Variants in ERC2 observed in about 807,000 individuals in gnomAD.
ERC2 encodes the protein ERC protein 2.
Under a neutral mutation model 114.8 loss-of-function variants are expected in ERC2, and 42 were observed. That is an observed-to-expected ratio of 0.37 (90% CI 0.29 to 0.47). The LOEUF (loss-of-function observed/expected upper bound fraction) is 0.47, where lower values mean the gene tolerates loss of function less well. ERC2 is among the 20% of genes least tolerant of loss of function. The pLI is 0.99. For synonymous variants in ERC2, 454 were observed against 425.5 expected (o/e 1.07, Z -0.82); for missense variants, 939 against 1,150.7 (o/e 0.82, Z 2.66).
At chr3:55,707,626 G>A (rs1057076934) in intron 15 of ERC2, among the ~76,000 whole-genome samples, 1 of 152,200 alleles carries the variant, frequency 6.6e-6, no homozygotes, top group African/African-American at 2.4e-5. Flanking sequence ...GATCCTAACC[G>A]ACATTGTGAG....
chr3:56,223,924 T>C (rs2050088289), intron 3 of ERC2, among the ~76,000 whole-genome samples: 1 of 152,226 alleles, frequency 6.6e-6, no homozygotes. Context: ...TATTCTTACA[T>C]AACTTCAAGT....
At chr3:55,812,641 T>A (rs1347668741) in intron 14 of ERC2, among the ~76,000 whole-genome samples, 1 of 152,122 alleles carries the variant, frequency 6.6e-6, no homozygotes, top group Admixed American at 6.5e-5. Flanking sequence ...AGGATCTACT[T>A]AAAAGCGGGG....
chr3:56,061,741 T>A (rs2076254427), intron 7 of ERC2, among the ~76,000 whole-genome samples: 1 of 152,210 alleles, frequency 6.6e-6, no homozygotes, highest in Non-Finnish European at 1.5e-5. Flanking sequence ...ATATATTTCC[T>A]TATGACAATT....
chr3:56,396,772 C>T (rs927444934), intron 2 of ERC2, among the ~76,000 whole-genome samples: 10 of 151,926 alleles, frequency 6.6e-5, no homozygotes, highest in East Asian at 1.9e-4. Context: ...CAAAGGAGAA[C>T]GGTCCCTTCC....
intron 14 of ERC2, among the ~76,000 whole-genome samples, chr3:55,795,678 G>T (rs75930045): frequency 6.6e-6 from 1 of 152,260 alleles, no homozygotes; most frequent in East Asian, 1.9e-4. Flanking sequence ...ACCATAGAGG[G>T]ACTGGATATC....
intron 17 of ERC2, among the ~76,000 whole-genome samples, chr3:55,663,247 C>T (rs561435992): frequency 1.3e-5 from 2 of 152,314 alleles, no homozygotes; most frequent in East Asian, 3.9e-4. Flanking sequence ...ACCTTAAAAA[C>T]TAAATCCTAA....
intron 13 of ERC2, among the ~76,000 whole-genome samples, chr3:55,927,611 A>G (rs1177871784): frequency 6.6e-6 from 1 of 152,068 alleles, no homozygotes; most frequent in Non-Finnish European, 1.5e-5. Flanking sequence ...ATTCTATTCT[A>G]TTCTTTTAGT....
intron 16 of ERC2, among the ~76,000 whole-genome samples, chr3:55,691,573 A>AAATAT (rs1553631525): frequency 1.5e-4 from 6 of 39,748 alleles, no homozygotes; most frequent in Non-Finnish European, 1.9e-4. Flanking sequence ...AAAAAAAAAA[A>AAATAT]ATATATATAT....
chr3:55,633,083 C>G (rs1349894711), intron 17 of ERC2, among the ~76,000 whole-genome samples: 2 of 152,166 alleles, frequency 1.3e-5, no homozygotes, highest in Non-Finnish European at 2.9e-5. Context: ...AGTAACCTCC[C>G]TCTTTGGTGG....
intron 3 of ERC2, among the ~76,000 whole-genome samples, chr3:56,183,868 C>T (rs913973619): frequency 6.6e-6 from 1 of 151,696 alleles, no homozygotes; most frequent in Non-Finnish European, 1.5e-5. Context: ...AATGTATTAG[C>T]CCATATATAA....
At chr3:56,244,219 T>C (rs894125712) in intron 3 of ERC2, among the ~76,000 whole-genome samples, 1 of 152,194 alleles carries the variant, frequency 6.6e-6, no homozygotes. Context: ...GCATTACTCA[T>C]GTTTGTGGTG....
chr3:56,051,334 T>G (rs1427145183), intron 7 of ERC2, among the ~76,000 whole-genome samples: 1 of 152,162 alleles, frequency 6.6e-6, no homozygotes, highest in East Asian at 1.9e-4. Context: ...GGGGATTACA[T>G]GATAAGCCAG....
intron 14 of ERC2, among the ~76,000 whole-genome samples, chr3:55,871,094 AC>A (rs2062563012): frequency 6.6e-6 from 1 of 152,214 alleles, no homozygotes; most frequent in Admixed American, 6.5e-5. Flanking sequence ...GGATATGGAA[AC>A]CACCCCACTG....
chr3:56,091,872 G>A (rs2077812007), intron 6 of ERC2, among the ~76,000 whole-genome samples: 1 of 152,060 alleles, frequency 6.6e-6, no homozygotes, highest in African/African-American at 2.4e-5. Flanking sequence ...ACAGTCAGTA[G>A]AGTAATACTG....
chr3:55,751,908 C>T (rs867514439), intron 14 of ERC2, among the ~76,000 whole-genome samples: 6 of 152,218 alleles, frequency 3.9e-5, no homozygotes, highest in Middle Eastern at 6.8e-3. Context: ...TTCTGGCTAA[C>T]TTAGCAAAAA....
chr3:55,662,058 T>C (rs1429595716), intron 17 of ERC2, among the ~76,000 whole-genome samples: 1 of 152,248 alleles, frequency 6.6e-6, no homozygotes, highest in East Asian at 1.9e-4. Flanking sequence ...CAGCAGGGTC[T>C]GAACAGGGAG....
intron 3 of ERC2, among the ~76,000 whole-genome samples, chr3:56,174,145 A>T (rs888640285): frequency 5.9e-5 from 9 of 152,338 alleles, no homozygotes; most frequent in African/African-American, 2.2e-4. Flanking sequence ...ACAGTGTTAC[A>T]GGGGAGAAAA....
chr3:55,786,682 C>T (rs535120903), intron 14 of ERC2, among the ~76,000 whole-genome samples: 2 of 152,248 alleles, frequency 1.3e-5, no homozygotes, highest in East Asian at 1.9e-4. Context: ...AACTCAACTC[C>T]GTCAACTCCA....
intron 13 of ERC2, among the ~76,000 whole-genome samples, chr3:55,924,846 C>CAA (rs1315423493): frequency 6.6e-6 from 1 of 152,134 alleles, no homozygotes; most frequent in East Asian, 1.9e-4. Context: ...CAAATCCATT[C>CAA]AAAATGAACC....
Sources: gnomAD v4.1 joint callset for allele counts (sites outside exome capture counted in the v4.1 genomes callset) on GRCh38, gnomAD v4.1.1 for gene constraint, MANE v1.5 for transcripts, NCBI Gene and HGNC (gene_info 2026-07-23, HGNC 2026-07-21) for gene names.